Variants in DTNA observed in about 807,000 individuals in gnomAD.
DTNA encodes dystrobrevin alpha.
Under a neutral mutation model 100.7 loss-of-function variants are expected in DTNA, and 43 were observed. The observed-to-expected ratio is 0.43, with a 90% CI of 0.33 to 0.55. The LOEUF (loss-of-function observed/expected upper bound fraction) is 0.55, where lower values mean the gene tolerates loss of function less well. DTNA is among the 20% of genes least tolerant of loss of function. DTNA has a pLI of 0.04. For synonymous variants in DTNA, 349 were observed against 347.9 expected (o/e 1.00, Z -0.04); for missense variants, 798 against 953.9 (o/e 0.84, Z 2.15).
intron 2 of DTNA, among the ~76,000 whole-genome samples, chr18:34,756,563 G>T (rs1228791563): frequency 6.6e-6 from 1 of 152,162 alleles, no homozygotes; most frequent in African/African-American, 2.4e-5. Flanking sequence ...TAGAAAAGGA[G>T]AATCTATTCT....
At chr18:34,727,423 A>G (rs904209078) in intron 1 of DTNA, among the ~76,000 whole-genome samples, 2 of 152,214 alleles carry the variant, frequency 1.3e-5, no homozygotes, top group African/African-American at 2.4e-5. Flanking sequence ...TCCCAGTATT[A>G]TAATATCCTT....
At chr18:34,541,093 A>T (rs117194090) in intron 1 of DTNA, among the ~76,000 whole-genome samples, 1,851 of 152,168 alleles carry the variant, frequency 0.012, 16 homozygotes, top group Middle Eastern at 0.051. Context: ...ACACAATGGG[A>T]CTTTAAAGGC....
At chr18:34,597,710 C>T (rs1274445732) in intron 1 of DTNA, among the ~76,000 whole-genome samples, 1 of 152,180 alleles carries the variant, frequency 6.6e-6, no homozygotes, top group African/African-American at 2.4e-5. Context: ...CATACAATGG[C>T]TGCCTCCACA....
At chr18:34,690,688 G>A (rs543664431) in intron 1 of DTNA, among the ~76,000 whole-genome samples, 2 of 152,338 alleles carry the variant, frequency 1.3e-5, no homozygotes, top group South Asian at 4.1e-4. Flanking sequence ...CACAGAGTAT[G>A]TGAGAAAACC....
Position 34,770,677 on chromosome 18 carries a change from G to T in DTNA, c.148+4636G>T, listed in dbSNP as rs1013974887. On this transcript the variant is annotated intron_variant, in intron 3 of 22. Coordinates refer to ENST00000444659, the MANE Select transcript of DTNA (RefSeq NM_001386795.1). ...CAGAACCTACTTTTTTATAGAGAAT[G>T]AACTAATGGATTTTATAGATGAATA... Among the ~76,000 whole-genome samples, 3 of 152,048 alleles carry T rather than the reference G, an allele frequency of 2.0e-5. No homozygotes were observed. The South Asian group carries it at 6.2e-4, about 32-fold the overall frequency.
intron 1 of DTNA, among the ~76,000 whole-genome samples, chr18:34,654,865 T>C (rs1568131963): frequency 1.3e-5 from 2 of 152,186 alleles, no homozygotes; most frequent in Non-Finnish European, 2.9e-5. Context: ...TAGCTGGGAT[T>C]ACAGGTGTGT....
intron 3 of DTNA, among the ~76,000 whole-genome samples, chr18:34,775,732 A>AT (rs937017259): frequency 6.6e-5 from 10 of 151,966 alleles, no homozygotes; most frequent in African/African-American, 2.4e-4. Context: ...TCTTGAAAGT[A>AT]TTTTTTTTCC....
At chr18:34,560,758 G>A (rs1271302135) in intron 1 of DTNA, among the ~76,000 whole-genome samples, 2 of 151,832 alleles carry the variant, frequency 1.3e-5, no homozygotes, top group African/African-American at 2.4e-5. Flanking sequence ...ATACACACAC[G>A]CACACACACG....
chr18:34,691,974 C>T lies in DTNA; in HGVS notation c.-1-64002C>T, dbSNP rs563647457. Reference sequence around the variant, plus strand: ...TTTTGGGTTATTTGTAGGGTATCAGCACCTAATGTAGACAACAGAAAGAAA... The same window carrying T: ...TTTTGGGTTATTTGTAGGGTATCAGTACCTAATGTAGACAACAGAAAGAAA... On this transcript the variant is annotated intron_variant, in intron 1 of 19. Transcript: ENST00000283365. Among the ~76,000 whole-genome samples, 13 of 152,316 alleles carry T rather than the reference C, an allele frequency of 8.5e-5. No individual in the cohort carries two copies. In the South Asian group the frequency reaches 1.7e-3, roughly 19 times the overall value.
intron 17 of DTNA, among the ~76,000 whole-genome samples, chr18:34,869,830 G>A (rs1352175816): frequency 2.0e-5 from 3 of 152,162 alleles, no homozygotes; most frequent in Admixed American, 6.5e-5. Context: ...GACCATCCCG[G>A]CTAACACGGT....
At chr18:34,849,514 T>C (rs2149893715) in intron 14 of DTNA, among the ~76,000 whole-genome samples, 1 of 152,332 alleles carries the variant, frequency 6.6e-6, no homozygotes, top group African/African-American at 2.4e-5. Context: ...GTAAATATGC[T>C]TATTATATAT....
intron 1 of DTNA, among the ~76,000 whole-genome samples, chr18:34,587,820 TA>T (rs2049293004): frequency 2.6e-5 from 4 of 152,176 alleles, no homozygotes; most frequent in African/African-American, 9.7e-5. Context: ...CCAGATCACA[TA>T]TATAGGATGA....
chr18:34,603,599 CAAT>C (rs1418996086), intron 1 of DTNA, among the ~76,000 whole-genome samples: 1 of 151,944 alleles, frequency 6.6e-6, no homozygotes, highest in Admixed American at 6.6e-5. Context: ...ACAGAGCTTG[CAAT>C]AATATTTGTT....
At chr18:34,876,966 T>C (rs537539716) in intron 18 of DTNA, among the ~76,000 whole-genome samples, 1 of 152,364 alleles carries the variant, frequency 6.6e-6, no homozygotes, top group East Asian at 1.9e-4. Context: ...TATTATTTTA[T>C]TTAGTTAGTA....
Position 34,778,426 on chromosome 18 carries a change from C to T in DTNA, c.148+12385C>T, listed in dbSNP as rs143439849. 1.4e-3 allele frequency among the ~76,000 whole-genome samples: 220 copies of T among 152,202 alleles called. 1 individual carries two copies. Among genetic ancestry groups the T allele is most frequent in the African/African-American group, 4.8e-3 (200 of 41,512 alleles). ...TTATCTTTTTCTAGTTAAATGTATTCAATGCTTTTTAAAAAGGTTGTTAAA... is the reference window on the plus strand; with the variant it reads ...TTATCTTTTTCTAGTTAAATGTATTTAATGCTTTTTAAAAAGGTTGTTAAA... On this transcript the variant is annotated intron_variant, in intron 3 of 22. Coordinates refer to ENST00000444659, the MANE Select transcript of DTNA (RefSeq NM_001386795.1).
intron 1 of DTNA, among the ~76,000 whole-genome samples, chr18:34,600,284 C>G (rs1260612743): frequency 1.3e-5 from 2 of 152,196 alleles, no homozygotes; most frequent in East Asian, 1.9e-4. Context: ...TAAAACTGGA[C>G]TTGGCATTTT....
At chr18:34,678,252 AT>A (rs2077635302) in intron 1 of DTNA, among the ~76,000 whole-genome samples, 1 of 152,174 alleles carries the variant, frequency 6.6e-6, no homozygotes. Context: ...GAGAACTTAG[AT>A]AAGAGGAAGG....
intron 22 of DTNA, among the ~76,000 whole-genome samples, 160 bp downstream of exon 22, chr18:34,884,936 G>A (rs974503945): frequency 4.6e-5 from 7 of 152,144 alleles, no homozygotes; most frequent in African/African-American, 1.7e-4. Flanking sequence ...GTCTGTGGAG[G>A]GTTTCATTAT....
chr18:34,554,236 C>G (rs1299347577), intron 1 of DTNA, among the ~76,000 whole-genome samples: 1 of 136,634 alleles, frequency 7.3e-6, no homozygotes, highest in African/African-American at 2.9e-5. Context: ...TATCCTGAGA[C>G]TTTGCTGAAG....
Sources: allele counts gnomAD v4.1 joint callset (sites outside exome capture counted in the v4.1 genomes callset), GRCh38; gene constraint gnomAD v4.1.1; transcripts MANE v1.5; gene names NCBI Gene and HGNC (gene_info 2026-07-23, HGNC 2026-07-21).